Variants in DHX15 observed in about 807,000 individuals in gnomAD.
The protein encoded by DHX15 is DEAH-box helicase 15.
Under a neutral mutation model 94.4 loss-of-function variants are expected in DHX15, and 11 were observed. The observed-to-expected ratio is 0.12, with a 90% confidence interval of 0.07 to 0.19. The LOEUF is 0.19. Ranked by LOEUF, DHX15 falls within the 10% of genes least tolerant of loss-of-function variation. DHX15 has a pLI of 1.00. For missense variants in DHX15, 304 were observed against 988.5 expected (o/e 0.31, Z 9.29); for synonymous variants, 338 against 329.9 (o/e 1.02, Z -0.27).
chr4:24,563,900 TAA>T (rs754053901), intron 3 of DHX15, among the ~76,000 whole-genome samples: 2 of 151,968 alleles, frequency 1.3e-5, no homozygotes. Flanking sequence ...CCGTTTCTAC[TAA>T]AAATACAAAA....
At chr4:24,530,710 C>T (rs1721065602) in intron 12 of DHX15, 1 of 152,018 alleles carries the variant, frequency 6.6e-6, no homozygotes, top group South Asian at 2.1e-4. Flanking sequence ...CACGTGCTTC[C>T]CTCTCATTTC....
At chr4:24,565,027 A>G (rs986100428) in intron 3 of DHX15, among the ~76,000 whole-genome samples, 3 of 152,236 alleles carry the variant, frequency 2.0e-5, no homozygotes, top group Non-Finnish European at 4.4e-5. Flanking sequence ...GCCTAAGTTA[A>G]CAATAGAAAA....
rs1054832405 is a variant in DHX15 at position 24,553,510 on chromosome 4, G to A, written c.1080+1215C>T. Among the ~76,000 whole-genome samples, 8 of 150,316 alleles carry A rather than the reference G, an allele frequency of 5.3e-5. No individual in the cohort carries two copies. In the East Asian group the frequency reaches 1.4e-3, roughly 26 times the overall value. The stretch of plus-strand genomic sequence containing the variant: ...ATTTTGGGGCCAGGTGTGGTGGCTC[G>A]CGCCTATAATCCCAGCACTTTGGGA... On this transcript the variant is annotated intron_variant, in intron 5 of 13. Coordinates refer to ENST00000336812, the MANE Select transcript of DHX15 (RefSeq NM_001358.3).
chr4:24,549,077 T>C (rs1721529171), intron 5 of DHX15, 55 bp from the exon 6 acceptor site: 1 of 1,480,944 alleles, frequency 6.8e-7, no homozygotes, highest in African/African-American at 1.4e-5. Flanking sequence ...AAAGTATTTA[T>C]TATAATCCTA....
chr4:24,575,843 T>C (rs141016931), intron 2 of DHX15, among the ~76,000 whole-genome samples: 14 of 152,316 alleles, frequency 9.2e-5, no homozygotes, highest in African/African-American at 2.9e-4. Context: ...GTCACCGGTA[T>C]AGACTTTATA....
chr4:24,532,795 CA>C (rs1180642125), intron 12 of DHX15, 68 bp downstream of exon 12: 1 of 1,241,836 alleles, frequency 8.1e-7, no homozygotes, highest in African/African-American at 1.5e-5. Flanking sequence ...TGAGTGGATT[CA>C]AAGGACTGTT....
chr4:24,559,344 TGA>T (rs1046662819), intron 3 of DHX15, among the ~76,000 whole-genome samples: 1 of 138,648 alleles, frequency 7.2e-6, no homozygotes, highest in African/African-American at 2.7e-5. Flanking sequence ...TTCAGAATTG[TGA>T]GAGAATGAAT....
chr4:24,547,929 A>ATCTATATATCTATATATATATATATATC (rs1560765868), intron 6 of DHX15, among the ~76,000 whole-genome samples: 1 of 41,030 alleles, frequency 2.4e-5, no homozygotes, highest in African/African-American at 1.1e-4. Context: ...ATATATATAT[A>ATCTATATATCTATATATATATATATATC]TATATATATA....
chr4:24,533,276 C>T (rs967839058), intron 11 of DHX15: 2 of 561,542 alleles, frequency 3.6e-6, no homozygotes, highest in Non-Finnish European at 6.3e-6. Context: ...GATTTGGATG[C>T]CAAAACAATG....
intron 12 of DHX15, among the ~76,000 whole-genome samples, chr4:24,531,315 CTT>C (rs942900718): frequency 4.6e-5 from 7 of 152,110 alleles, no homozygotes; most frequent in Admixed American, 6.5e-5. Flanking sequence ...GTCTCGATCT[CTT>C]GACCTCGTGA....
chr4:24,528,651 A>G (rs1395781635), intron 13 of DHX15, among the ~76,000 whole-genome samples: 1 of 152,206 alleles, frequency 6.6e-6, no homozygotes, highest in Non-Finnish European at 1.5e-5. Context: ...CTTCAGTCCC[A>G]CTACTCTTGG....
rs1720996473 is a variant in DHX15, at chr4:24,527,962, T to C, written c.2350A>G (p.Ile784Val). ...TATTCCTTGGATTGAAGTTTGGCAA[T>C]GATGCGGTCCAACTGTCTCTTTGCT... is the stretch of plus-strand genomic sequence containing the variant. ...CEAKRQLDRI[I>V]AKLQSKEYSQ... The change falls in exon 14 of 14, where the codon ATT becomes GTT. Residue 784 changes from isoleucine (I) to valine (V), a missense_variant. Physicochemically the swap from Ile to Val is conservative, Grantham distance 29. This residue lies in a region of DHX15 where 14 missense variants were observed against 17.3 expected (regional missense o/e 0.81). Transcript: ENST00000336812. 5 of 1,614,046 alleles carry C rather than the reference T, an allele frequency of 3.1e-6. No individual in the cohort carries two copies. The highest frequency in any genetic ancestry group is 2.2e-5 in the East Asian group (1 of 44,862).
chr4:24,570,482 T>C (rs148408087), intron 3 of DHX15, among the ~76,000 whole-genome samples, 172 bp downstream of exon 3: 60 of 152,266 alleles, frequency 3.9e-4, no homozygotes, highest in African/African-American at 1.4e-3. Flanking sequence ...CAAGTAACTA[T>C]AGATTACCAA....
rs541107353 is a variant in DHX15, at chr4:24,529,741, G to A, written c.2130C>T (p.Tyr710=). 1.9e-6 allele frequency: 3 copies of A among 1,614,210 alleles called. No individual in the cohort carries two copies. The Admixed American group carries it at 5.0e-5, about 27-fold the overall frequency. Residue 710 remains tyrosine (Y), a synonymous_variant, in exon 13 of 14, where the codon TAC becomes TAT. Transcript: ENST00000336812. ...QVAHLERTGH[Y]LTVKDNQVVQ... ...CCACCTGGTTATCTTTCACAGTTAA[G>A]TAATGCCCTGTTCGTTCTAAATGTG...
chr4:24,532,615 A>G (rs1444014414), intron 12 of DHX15, among the ~76,000 whole-genome samples: 1 of 152,232 alleles, frequency 6.6e-6, no homozygotes, highest in East Asian at 1.9e-4. Context: ...TTAATAAAAT[A>G]ATTCTAAAAA....
At chr4:24,551,921 G>A (rs1721615775) in intron 5 of DHX15, among the ~76,000 whole-genome samples, 1 of 152,164 alleles carries the variant, frequency 6.6e-6, no homozygotes, top group Admixed American at 6.5e-5. Flanking sequence ...CTTTACTGGA[G>A]ATTAGACTAC....
Position 24,540,277 on chromosome 4 carries a change from G to C in DHX15, c.1617C>G (p.Ala539=). The stretch of plus-strand genomic sequence containing the variant: ...CAGCCAGGTAATTCAAAAGTTCCAG[G>C]GCTCTCATCAGAGTTTCAGGAGCTA... The part of the protein sequence containing the change: ...DPPAPETLMR[A]LELLNYLAAL... Residue 539 remains alanine, a synonymous_variant, in exon 10 of 14, where the codon GCC becomes GCG. Coordinates refer to ENST00000336812, the MANE Select transcript of DHX15 (RefSeq NM_001358.3). The C allele has an allele frequency of 6.2e-7, 1 of 1,612,078 alleles. No individual in the cohort carries two copies. The highest frequency in any genetic ancestry group is 1.1e-5 in the South Asian group (1 of 90,834).
At chr4:24,569,364 G>A (rs1053288373) in intron 3 of DHX15, among the ~76,000 whole-genome samples, 6 of 151,986 alleles carry the variant, frequency 3.9e-5, no homozygotes, top group African/African-American at 9.7e-5. Flanking sequence ...AGGCTGAGGC[G>A]GGCGGATCAT....
intron 1 of DHX15, 141 bp downstream of exon 1, chr4:24,584,182 A>T: frequency 2.3e-6 from 2 of 884,226 alleles, no homozygotes; most frequent in South Asian, 1.6e-5. Context: ...CGCTTCTCCT[A>T]CCCGCCGCTA....
Sources: gnomAD v4.1 joint callset for allele counts (sites outside exome capture counted in the v4.1 genomes callset) on GRCh38, gnomAD v4.1.1 for gene constraint, gnomAD v4.1.1 regional missense constraint, MANE v1.5 for transcripts, NCBI Gene and HGNC (gene_info 2026-07-23, HGNC 2026-07-21) for gene names.